The following PLXDC2 variants were observed in gnomAD, a reference collection of about 807,000 sequenced individuals.
PLXDC2 encodes the protein plexin domain-containing protein 2.
Under a neutral mutation model 68.9 loss-of-function variants are expected in PLXDC2, and 40 were observed. The ratio of observed to expected loss-of-function variants is 0.58; its 90% CI spans 0.45 to 0.76. The LOEUF is 0.76. Ranked by LOEUF, PLXDC2 falls within the 30% of genes least tolerant of loss-of-function variation. The pLI is 0.00. For synonymous variants in PLXDC2, 243 were observed against 234.2 expected (o/e 1.04, Z -0.34); for missense variants, 644 against 661.9 (o/e 0.97, Z 0.30).
intron 1 of PLXDC2, among the ~76,000 whole-genome samples, chr10:19,842,632 C>T (rs922077894): frequency 2.0e-5 from 3 of 152,134 alleles, no homozygotes; most frequent in African/African-American, 4.8e-5. Flanking sequence ...ACTCATAGGC[C>T]AGAAGATTAT....
At chr10:19,997,605 A>C (rs1834863806) in intron 1 of PLXDC2, among the ~76,000 whole-genome samples, 1 of 152,216 alleles carries the variant, frequency 6.6e-6, no homozygotes, top group African/African-American at 2.4e-5. Context: ...TAAATGCAAG[A>C]TATTTTAATA....
At chr10:20,031,927 C>A (rs1295015311) in intron 2 of PLXDC2, among the ~76,000 whole-genome samples, 1 of 152,024 alleles carries the variant, frequency 6.6e-6, no homozygotes, top group African/African-American at 2.4e-5. Context: ...TCAAGAGATT[C>A]TCCTGCCTCA....
intron 1 of PLXDC2, among the ~76,000 whole-genome samples, chr10:19,830,942 C>G (rs2478144): frequency 6.6e-6 from 1 of 151,434 alleles, no homozygotes; most frequent in African/African-American, 2.4e-5. Flanking sequence ...ATTGAGGACT[C>G]TTCTTCCCAC....
intron 4 of PLXDC2, among the ~76,000 whole-genome samples, chr10:20,099,408 C>T (rs1398691231): frequency 6.6e-6 from 1 of 152,118 alleles, no homozygotes; most frequent in Non-Finnish European, 1.5e-5. Flanking sequence ...CCTGATGGCC[C>T]ATCATTTTGA....
chr10:20,161,450 TCTC>T (rs985052079), intron 6 of PLXDC2, among the ~76,000 whole-genome samples: 9 of 149,748 alleles, frequency 6.0e-5, no homozygotes, highest in African/African-American at 2.2e-4. Flanking sequence ...AGTCTCTCTC[TCTC>T]TTTTTTTTTT....
chr10:19,826,837 G>A (rs997047169), intron 1 of PLXDC2, among the ~76,000 whole-genome samples: 32 of 152,126 alleles, frequency 2.1e-4, no homozygotes, highest in African/African-American at 6.5e-4. Context: ...GAATCTTGTG[G>A]TCGCGTTTGT....
chr10:20,144,400 A>G (rs952276312), intron 5 of PLXDC2, among the ~76,000 whole-genome samples: 1 of 152,158 alleles, frequency 6.6e-6, no homozygotes, highest in African/African-American at 2.4e-5. Flanking sequence ...CAGTGTGATG[A>G]AAGCCATTTT....
chr10:20,156,557 G>A (rs1340102466), intron 6 of PLXDC2, among the ~76,000 whole-genome samples: 1 of 152,096 alleles, frequency 6.6e-6, no homozygotes, highest in African/African-American at 2.4e-5. Context: ...AGCTTATGTA[G>A]AAAGGAAGTT....
intron 12 of PLXDC2, among the ~76,000 whole-genome samples, chr10:20,244,778 A>T (rs1488247152): frequency 6.6e-6 from 1 of 152,226 alleles, no homozygotes; most frequent in African/African-American, 2.4e-5. Context: ...TTCCCACAGT[A>T]CTTTGAGAAT....
At chr10:19,902,658 G>A (rs1167535104) in intron 1 of PLXDC2, among the ~76,000 whole-genome samples, 6 of 152,018 alleles carry the variant, frequency 3.9e-5, no homozygotes, top group Admixed American at 3.9e-4. Flanking sequence ...TTTACCAATT[G>A]GGATGCCCTT....
At chr10:20,072,491 A>C (rs9663313) in intron 4 of PLXDC2, among the ~76,000 whole-genome samples, 33 of 56,328 alleles carry the variant, frequency 5.9e-4, no homozygotes, top group Admixed American at 1.2e-3. Context: ...CAAAGAAAGA[A>C]AGAGAAAGAA....
At chr10:19,994,022 T>C (rs1296503246) in intron 1 of PLXDC2, among the ~76,000 whole-genome samples, 2 of 152,158 alleles carry the variant, frequency 1.3e-5, no homozygotes, top group African/African-American at 4.8e-5. Flanking sequence ...AACTTAAAAT[T>C]GTTCTTTTTT....
chr10:20,172,601 G>A (rs976910981), intron 7 of PLXDC2, among the ~76,000 whole-genome samples: 7 of 152,156 alleles, frequency 4.6e-5, no homozygotes, highest in Non-Finnish European at 8.8e-5. Context: ...ATCACCTTGA[G>A]TGTTTATCAG....
At chr10:20,086,350 A>C (rs1482780007) in intron 4 of PLXDC2, among the ~76,000 whole-genome samples, 2 of 141,096 alleles carry the variant, frequency 1.4e-5, no homozygotes, top group Non-Finnish European at 3.0e-5. Context: ...ATTTTATTTT[A>C]TTTATTTTTT....
chr10:19,970,319 C>G (rs1254945896), intron 1 of PLXDC2, among the ~76,000 whole-genome samples: 1 of 152,200 alleles, frequency 6.6e-6, no homozygotes, highest in Non-Finnish European at 1.5e-5. Context: ...TCATCATCAT[C>G]ATAATCAGGA....
At chr10:20,271,850 A>T (rs552646404) in intron 13 of PLXDC2, among the ~76,000 whole-genome samples, 9 of 152,172 alleles carry the variant, frequency 5.9e-5, no homozygotes, top group Admixed American at 1.3e-4. Flanking sequence ...TGTAGAAGGG[A>T]TGGAAGTGGA....
At chr10:20,044,363 T>C (rs985141417) in intron 2 of PLXDC2, among the ~76,000 whole-genome samples, 1 of 150,414 alleles carries the variant, frequency 6.6e-6, no homozygotes, top group Non-Finnish European at 1.5e-5. Context: ...CAGGCTGGAG[T>C]GTAACAGCAC....
chr10:20,100,122 C>A (rs1454697983), intron 4 of PLXDC2, among the ~76,000 whole-genome samples: 1 of 152,078 alleles, frequency 6.6e-6, no homozygotes, highest in Non-Finnish European at 1.5e-5. Flanking sequence ...AATAAGAGCA[C>A]AAACTTTAAA....
intron 2 of PLXDC2, among the ~76,000 whole-genome samples, chr10:20,028,342 T>G (rs1355666916): frequency 6.6e-6 from 1 of 152,306 alleles, no homozygotes; most frequent in South Asian, 2.1e-4. Context: ...TGTTAGGTCG[T>G]GGTGTGTCCC....
Sources: gnomAD v4.1 joint callset for allele counts (sites outside exome capture counted in the v4.1 genomes callset) on GRCh38, gnomAD v4.1.1 for gene constraint, MANE v1.5 for transcripts, NCBI Gene and HGNC (gene_info 2026-07-23, HGNC 2026-07-21) for gene names.